The following CNTNAP2 variants were observed in gnomAD, a reference collection of about 807,000 sequenced individuals.
The protein encoded by CNTNAP2 is contactin associated protein 2.
In CNTNAP2, 98 loss-of-function variants were observed where a neutral mutation model predicts 155.2. The observed-to-expected ratio is 0.63, with a 90% CI of 0.54 to 0.75. The LOEUF (loss-of-function observed/expected upper bound fraction) is 0.75, where lower values mean the gene tolerates loss of function less well. CNTNAP2 is among the 30% of genes least tolerant of loss of function. CNTNAP2 has a pLI of 0.00. For synonymous variants in CNTNAP2, 651 were observed against 631.2 expected, an observed-to-expected ratio of 1.03 and a Z score of -0.47; for missense variants, 1,727 against 1,688.1, an observed-to-expected ratio of 1.02 and a Z score of -0.40.
chr7:147,240,384 G>A (rs781291219), intron 8 of CNTNAP2, among the ~76,000 whole-genome samples: 4 of 152,102 alleles, frequency 2.6e-5, no homozygotes, highest in Non-Finnish European at 5.9e-5. Flanking sequence ...GCAAATACAG[G>A]TAAACCAGTC....
chr7:146,655,185 G>C (rs1163942347), intron 1 of CNTNAP2, among the ~76,000 whole-genome samples: 1 of 151,858 alleles, frequency 6.6e-6, no homozygotes, highest in Admixed American at 6.6e-5. Context: ...GGCTGAGGCA[G>C]GTGGATCACC....
chr7:147,813,992 T>C (rs946317261), intron 13 of CNTNAP2, among the ~76,000 whole-genome samples: 1 of 152,250 alleles, frequency 6.6e-6, no homozygotes. Flanking sequence ...TCAGGAACAA[T>C]AGCTAACATT....
chr7:147,722,679 C>A (rs1796582563), intron 13 of CNTNAP2, among the ~76,000 whole-genome samples: 1 of 152,078 alleles, frequency 6.6e-6, no homozygotes, highest in Non-Finnish European at 1.5e-5. Context: ...CCCCTAATGA[C>A]ACAATTATGA....
intron 13 of CNTNAP2, among the ~76,000 whole-genome samples, chr7:147,830,953 C>G (rs1798536192): frequency 6.6e-6 from 1 of 152,144 alleles, no homozygotes; most frequent in Admixed American, 6.6e-5. Flanking sequence ...TTTTCTCAAA[C>G]AAAACAAGCT....
intron 4 of CNTNAP2, among the ~76,000 whole-genome samples, chr7:147,069,501 A>T (rs1405220220): frequency 6.6e-6 from 1 of 152,150 alleles, no homozygotes; most frequent in Non-Finnish European, 1.5e-5. Context: ...CCAACTATTT[A>T]CTTTTTATTT....
chr7:146,578,701 A>G lies in CNTNAP2; in HGVS notation c.98-195570A>G, dbSNP rs543842518. Reference sequence around the variant, plus strand: ...TATAAATGAGAAAATTAAAGATTCAAAGAAGTGAATCTGTTCAACATCATC... The same window carrying G: ...TATAAATGAGAAAATTAAAGATTCAGAGAAGTGAATCTGTTCAACATCATC... On this transcript the variant is annotated intron_variant, in intron 1 of 23. Transcript: ENST00000361727. Among the ~76,000 whole-genome samples the G allele has an allele frequency of 1.4e-4, 22 of 152,276 alleles. 1 individual carries two copies. The South Asian group carries it at 3.9e-3, about 27-fold the overall frequency.
intron 3 of CNTNAP2, among the ~76,000 whole-genome samples, chr7:147,022,596 C>A (rs571176339): frequency 1.4e-5 from 2 of 141,556 alleles, no homozygotes; most frequent in African/African-American, 5.5e-5. Flanking sequence ...TATACACATA[C>A]ACAAACACAT....
chr7:147,870,825 G>A (rs1207614631), intron 13 of CNTNAP2, among the ~76,000 whole-genome samples: 4 of 152,128 alleles, frequency 2.6e-5, no homozygotes. Context: ...TGTGACCCTA[G>A]GAGAGACATT....
intron 1 of CNTNAP2, among the ~76,000 whole-genome samples, chr7:146,759,483 A>G (rs956014407): frequency 1.3e-5 from 2 of 151,966 alleles, no homozygotes; most frequent in East Asian, 3.9e-4. Context: ...TCGCCAGGTC[A>G]GAGATCAAGA....
At chr7:147,350,752 G>A (rs1346538768) in intron 9 of CNTNAP2, among the ~76,000 whole-genome samples, 1 of 151,694 alleles carries the variant, frequency 6.6e-6, no homozygotes, top group Non-Finnish European at 1.5e-5. Context: ...ACTTTTTATT[G>A]TTGCTTTAAA....
intron 12 of CNTNAP2, among the ~76,000 whole-genome samples, chr7:147,577,733 A>G (rs1273069314): frequency 6.6e-6 from 1 of 151,934 alleles, no homozygotes; most frequent in Non-Finnish European, 1.5e-5. Flanking sequence ...AAATGAGATC[A>G]GAGAAAAAAA....
intron 15 of CNTNAP2, among the ~76,000 whole-genome samples, chr7:148,038,057 A>G (rs1443899897): frequency 6.6e-6 from 1 of 152,222 alleles, no homozygotes; most frequent in African/African-American, 2.4e-5. Context: ...TGTAATTAGG[A>G]AAAGAAAAAT....
intron 18 of CNTNAP2, among the ~76,000 whole-genome samples, chr7:148,203,636 T>C (rs1795401172): frequency 6.6e-6 from 1 of 152,074 alleles, no homozygotes; most frequent in Admixed American, 6.5e-5. Context: ...TCCCAGCTTC[T>C]CAGGAGGCTG....
intron 10 of CNTNAP2, among the ~76,000 whole-genome samples, chr7:147,468,118 C>CA (rs1027859772): frequency 6.6e-4 from 98 of 148,510 alleles, no homozygotes; most frequent in African/African-American, 1.5e-3. Context: ...CCCATCTCTA[C>CA]AAAAAAAAAA....
intron 1 of CNTNAP2, among the ~76,000 whole-genome samples, chr7:146,566,652 G>C (rs751192422): frequency 6.6e-6 from 1 of 151,772 alleles, no homozygotes; most frequent in Non-Finnish European, 1.5e-5. Flanking sequence ...GGCCGAGATC[G>C]CACCACTGCA....
rs1301013150 is a variant in CNTNAP2 at position 148,418,982 on chromosome 7, G to A, written c.*3366G>A. On this transcript the variant is annotated 3_prime_UTR_variant, in exon 24 of 24. Coordinates refer to ENST00000361727, the MANE Select transcript of CNTNAP2 (RefSeq NM_014141.6). ...AGGCTGAGAGCTGGGCACAGGCGAA[G>A]CCATTGGAAGCACTTCAGGAACAAG... 1 of 152,260 alleles carries A rather than the reference G, an allele frequency of 6.6e-6. No homozygotes were observed. The highest frequency in any genetic ancestry group is 1.5e-5 in the Non-Finnish European group (1 of 68,060). The allele number at this position is 152,260 out of a possible 1,614,324, so 9.4% of individuals were successfully genotyped here.
rs750821103 is a variant in CNTNAP2, at chr7:148,409,438, A to C, written c.3763A>C (p.Asn1255His). The C allele has an allele frequency of 6.2e-7, 1 of 1,613,940 alleles. No individual in the cohort carries two copies. Among genetic ancestry groups the C allele is most frequent in the Non-Finnish European group, 8.5e-7 (1 of 1,179,856 alleles). Residue 1255 changes from asparagine to histidine, a missense_variant, in exon 23 of 24, where the codon AAT (asparagine) becomes CAT (histidine). Physicochemically the swap from Asn to His is moderately conservative, Grantham distance 68. Coordinates refer to ENST00000361727, the MANE Select transcript of CNTNAP2 (RefSeq NM_014141.6). ...TCCAGGACAAGGCCAAGCTATAAGA[A>C]ATGGAGTCAACAGAAACTCGGCTAT... is the stretch of plus-strand genomic sequence containing the variant. Reference protein sequence around the residue: ...YNPGQGQAIRNGVNRNSAIIG... With the variant: ...YNPGQGQAIRHGVNRNSAIIG...
chr7:146,249,492 C>G (rs1378742710), intron 1 of CNTNAP2, among the ~76,000 whole-genome samples: 2 of 152,174 alleles, frequency 1.3e-5, no homozygotes, highest in Non-Finnish European at 2.9e-5. Context: ...AAGAACTTAT[C>G]TGACTCACTC....
chr7:146,451,892 T>TAC (rs1796489157), intron 1 of CNTNAP2, among the ~76,000 whole-genome samples: 2 of 74,972 alleles, frequency 2.7e-5, no homozygotes, highest in African/African-American at 1.0e-4. Flanking sequence ...CATATACATA[T>TAC]ATTTATTTAT....
Sources: gnomAD v4.1 joint callset for allele counts (sites outside exome capture counted in the v4.1 genomes callset) on GRCh38, gnomAD v4.1.1 for gene constraint, MANE v1.5 for transcripts, NCBI Gene and HGNC (gene_info 2026-07-23, HGNC 2026-07-21) for gene names.